ADGRB3: variants seen among roughly 807,000 people sequenced by gnomAD.
ADGRB3 encodes brain-specific angiogenesis inhibitor 3.
In ADGRB3, 37 loss-of-function variants were observed where a neutral mutation model predicts 193.4. The observed-to-expected ratio is 0.19, with a 90% confidence interval of 0.15 to 0.25. The LOEUF is 0.25. Ranked by LOEUF, ADGRB3 falls within the 10% of genes least tolerant of loss-of-function variation. The probability of loss-of-function intolerance (pLI) is 1.00; values close to 1 mark genes in which losing one functional copy is unlikely to be tolerated. For missense variants in ADGRB3, 1,637 were observed against 1,852.9 expected (o/e 0.88, Z 2.14); for synonymous variants, 690 against 644.2 (o/e 1.07, Z -1.08).
chr6:69,246,650 A>C (rs1011126812), intron 20 of ADGRB3, among the ~76,000 whole-genome samples: 1 of 152,216 alleles, frequency 6.6e-6, no homozygotes, highest in Non-Finnish European at 1.5e-5. Context: ...TATTGTAAAT[A>C]GGGCAAAGAT....
intron 3 of ADGRB3, among the ~76,000 whole-genome samples, chr6:68,850,214 T>C (rs960453206): frequency 6.6e-6 from 1 of 151,936 alleles, no homozygotes. Flanking sequence ...GATTGCTCTG[T>C]GTTTTTTTTA....
intron 3 of ADGRB3, among the ~76,000 whole-genome samples, chr6:68,657,710 TTTA>T (rs1026673820): frequency 2.0e-5 from 3 of 151,444 alleles, no homozygotes; most frequent in Non-Finnish European, 4.4e-5. Flanking sequence ...TGTAAACACT[TTTA>T]AAAACACTCA....
chr6:68,813,044 G>T (rs927736046), intron 3 of ADGRB3, among the ~76,000 whole-genome samples: 1 of 152,156 alleles, frequency 6.6e-6, no homozygotes, highest in Non-Finnish European at 1.5e-5. Flanking sequence ...AACGTGAAGT[G>T]TATCTCCCAG....
intron 20 of ADGRB3, among the ~76,000 whole-genome samples, chr6:69,287,515 G>A (rs958922255): frequency 2.0e-5 from 3 of 152,122 alleles, no homozygotes; most frequent in Admixed American, 6.6e-5. Context: ...CATGTAACAG[G>A]CATCAAACTA....
intron 5 of ADGRB3, among the ~76,000 whole-genome samples, chr6:68,942,197 T>C (rs890099716): frequency 3.9e-5 from 6 of 152,116 alleles, no homozygotes; most frequent in African/African-American, 1.4e-4. Flanking sequence ...ACAATTAAGG[T>C]ATACTATGTG....
chr6:69,015,935 T>G (rs1770077406), intron 12 of ADGRB3, among the ~76,000 whole-genome samples: 1 of 151,926 alleles, frequency 6.6e-6, no homozygotes, highest in African/African-American at 2.4e-5. Context: ...GACAAGTCAT[T>G]TTAGTCATGT....
At chr6:68,763,093 T>A (rs1766443265) in intron 3 of ADGRB3, among the ~76,000 whole-genome samples, 2 of 152,166 alleles carry the variant, frequency 1.3e-5, no homozygotes, top group African/African-American at 4.8e-5. Flanking sequence ...ATTTAGGAGA[T>A]AAATTTTTCT....
chr6:68,868,676 G>GA (rs1368805112), intron 3 of ADGRB3, among the ~76,000 whole-genome samples: 1 of 151,964 alleles, frequency 6.6e-6, no homozygotes, highest in Non-Finnish European at 1.5e-5. Flanking sequence ...TTTATTTTGG[G>GA]AAAAAATCTA....
At chr6:69,013,958 G>A (rs148916184) in intron 11 of ADGRB3, 80 bp from the exon 12 acceptor site, 119 of 876,426 alleles carry the variant, frequency 1.4e-4, no homozygotes, top group African/African-American at 1.0e-3. Context: ...CCTTTACCAC[G>A]TAGTCAACCC....
intron 11 of ADGRB3, among the ~76,000 whole-genome samples, chr6:69,011,343 G>A (rs930437607): frequency 6.6e-6 from 1 of 151,956 alleles, no homozygotes; most frequent in Non-Finnish European, 1.5e-5. Context: ...GATGCAGCTG[G>A]AGGCCATTAT....
chr6:69,247,007 T>G (rs1766512735), intron 20 of ADGRB3, among the ~76,000 whole-genome samples: 1 of 152,192 alleles, frequency 6.6e-6, no homozygotes, highest in Non-Finnish European at 1.5e-5. Flanking sequence ...TGATCAATTC[T>G]ACTCTCCATC....
At chr6:68,962,542 A>G (rs1425942910) in intron 8 of ADGRB3, among the ~76,000 whole-genome samples, 1 of 152,134 alleles carries the variant, frequency 6.6e-6, no homozygotes, top group African/African-American at 2.4e-5. Flanking sequence ...GTAATCTTAT[A>G]TTACCCTACC....
chr6:69,274,387 A>G (rs1767246171), intron 20 of ADGRB3, among the ~76,000 whole-genome samples: 1 of 151,792 alleles, frequency 6.6e-6, no homozygotes, highest in Admixed American at 6.6e-5. Context: ...AGCAGCGGAC[A>G]GCACGTGGCA....
chr6:69,348,381 T>C (rs1769151636), intron 26 of ADGRB3, among the ~76,000 whole-genome samples: 1 of 151,436 alleles, frequency 6.6e-6, no homozygotes, highest in Admixed American at 6.6e-5. Flanking sequence ...GCACAGTGGC[T>C]CACGCCTGCA....
At chr6:69,021,168 A>C (rs761219818) in intron 13 of ADGRB3, among the ~76,000 whole-genome samples, 3 of 151,934 alleles carry the variant, frequency 2.0e-5, no homozygotes, top group Non-Finnish European at 4.4e-5. Flanking sequence ...GAGACTGAGT[A>C]ACTAAGAAAG....
At chr6:69,353,862 G>A (rs1374536986) in intron 26 of ADGRB3, among the ~76,000 whole-genome samples, 2 of 152,102 alleles carry the variant, frequency 1.3e-5, no homozygotes, top group African/African-American at 4.8e-5. Flanking sequence ...TCAGAAGTTC[G>A]AGACCAGCCT....
chr6:68,642,896 A>C (rs2127276257), intron 3 of ADGRB3, among the ~76,000 whole-genome samples: 1 of 152,204 alleles, frequency 6.6e-6, no homozygotes, highest in South Asian at 2.1e-4. Context: ...AGTCATCTTT[A>C]ATTGTCCTGA....
chr6:68,927,624 CG>C (rs1562089129), intron 3 of ADGRB3, among the ~76,000 whole-genome samples: 1 of 151,788 alleles, frequency 6.6e-6, no homozygotes, highest in African/African-American at 2.4e-5. Flanking sequence ...AAACATGGGA[CG>C]TAAACTTTGG....
chr6:68,880,469 T>C (rs1388795232), intron 3 of ADGRB3, among the ~76,000 whole-genome samples: 10 of 152,294 alleles, frequency 6.6e-5, no homozygotes, highest in Admixed American at 5.2e-4. Flanking sequence ...GTTTAAAAAA[T>C]TACCTTTTTT....
Sources: allele counts gnomAD v4.1 joint callset (sites outside exome capture counted in the v4.1 genomes callset), GRCh38; gene constraint gnomAD v4.1.1; transcripts MANE v1.5; gene names NCBI Gene and HGNC (gene_info 2026-07-23, HGNC 2026-07-21).